PCDHA10: variants seen among roughly 807,000 people sequenced by gnomAD.
The protein encoded by PCDHA10 is protocadherin alpha 10, also known as protocadherin alpha-10.
In PCDHA10, 45 loss-of-function variants were observed where a neutral mutation model predicts 61.2. That is an observed-to-expected ratio of 0.74 (90% CI 0.58 to 0.94). The LOEUF (loss-of-function observed/expected upper bound fraction) is 0.94, where lower values mean the gene tolerates loss of function less well. Among genes scored for constraint, PCDHA10 ranks in the 40% least tolerant of loss-of-function variants. The pLI is 0.00. For synonymous variants in PCDHA10, 602 were observed against 548.8 expected, an observed-to-expected ratio of 1.10 and a Z score of -1.35; for missense variants, 1,278 against 1,236.2, an observed-to-expected ratio of 1.03 and a Z score of -0.51.
At chr5:140,883,757 C>A (rs369534214) in intron 1 of PCDHA10, 175 of 1,612,790 alleles carry the variant, frequency 1.1e-4, no homozygotes, top group Non-Finnish European at 1.5e-4. Flanking sequence ...GCTGGTGGAG[C>A]GGCGGGTGGG....
At chr5:140,960,515 A>G (rs1445432467) in intron 1 of PCDHA10, among the ~76,000 whole-genome samples, 1 of 152,182 alleles carries the variant, frequency 6.6e-6, no homozygotes, top group Non-Finnish European at 1.5e-5. Flanking sequence ...AGCAAACATA[A>G]TGGGTATAGG....
intron 1 of PCDHA10, chr5:140,882,343 G>A: frequency 6.2e-7 from 1 of 1,614,198 alleles, no homozygotes; most frequent in Non-Finnish European, 8.5e-7. Context: ...CAGCCTGGGA[G>A]ACGGGTAGTG....
chr5:140,896,486 C>T (rs2065571972), intron 1 of PCDHA10, among the ~76,000 whole-genome samples: 2 of 151,948 alleles, frequency 1.3e-5, no homozygotes, highest in African/African-American at 4.8e-5. Context: ...CCTCAGCCTC[C>T]TGAGTAGCTG....
At position 140,951,508 on chromosome 5, in the gene PCDHA10, G is replaced by A. The variant is rs536073969; in HGVS notation, c.2389-27441G>A. Among the ~76,000 whole-genome samples the A allele has an allele frequency of 3.9e-5, 6 of 152,080 alleles. No individual in the cohort carries two copies. The South Asian group carries it at 6.2e-4, about 16-fold the overall frequency. On this transcript the variant is annotated intron_variant, in intron 1 of 3. Coordinates refer to ENST00000307360, the MANE Select transcript of PCDHA10 (RefSeq NM_018901.4). ...TCATGGTGGAAGGCAAAAGGAAAGC[G>A]GCTCATCTTACATGGCCGGTGCAGG...
At chr5:140,868,895 G>C in intron 1 of PCDHA10, 2 of 777,188 alleles carry the variant, frequency 2.6e-6, no homozygotes, top group Non-Finnish European at 4.0e-6. Flanking sequence ...TAGGCGCAAG[G>C]TGTCGCTCTT....
At chr5:140,927,524 C>T in intron 1 of PCDHA10, 3 of 1,614,104 alleles carry the variant, frequency 1.9e-6, no homozygotes, top group Non-Finnish European at 2.5e-6. Flanking sequence ...GGCGGGCTAC[C>T]TGCCCGCTCA....
At chr5:141,006,215 TA>T (rs200576602) in intron 3 of PCDHA10, among the ~76,000 whole-genome samples, 4 of 151,640 alleles carry the variant, frequency 2.6e-5, no homozygotes, top group South Asian at 2.1e-4. Flanking sequence ...CATTTTTTTT[TA>T]AATTTTTTAT....
At chr5:140,896,823 T>C (rs1248229696) in intron 1 of PCDHA10, among the ~76,000 whole-genome samples, 1 of 152,230 alleles carries the variant, frequency 6.6e-6, no homozygotes, top group Non-Finnish European at 1.5e-5. Context: ...ACTCTGTTCA[T>C]AGTTGTTTTT....
At chr5:140,951,876 G>A (rs1554220112) in intron 1 of PCDHA10, among the ~76,000 whole-genome samples, 1 of 152,094 alleles carries the variant, frequency 6.6e-6, no homozygotes, top group East Asian at 1.9e-4. Context: ...CTGAGACAAG[G>A]CAACTCTCTT....
At chr5:140,870,178 C>A (rs2051730547) in intron 1 of PCDHA10, 6 of 1,614,096 alleles carry the variant, frequency 3.7e-6, no homozygotes, top group Non-Finnish European at 5.1e-6. Flanking sequence ...CCTCCCAGTA[C>A]GAGAGGACGC....
At chr5:140,873,770 C>T (rs1316613523) in intron 1 of PCDHA10, among the ~76,000 whole-genome samples, 1 of 151,400 alleles carries the variant, frequency 6.6e-6, no homozygotes, top group Non-Finnish European at 1.5e-5. Context: ...AAGCAATTCT[C>T]CTGCCTCAGC....
At chr5:140,870,293 T>C in intron 1 of PCDHA10, 1 of 1,614,182 alleles carries the variant, frequency 6.2e-7, no homozygotes, top group Non-Finnish European at 8.5e-7. Context: ...TTCAAGCTGG[T>C]GTCCACCTTC....
chr5:140,989,758 T>C (rs1554251084), intron 3 of PCDHA10, among the ~76,000 whole-genome samples: 1 of 152,188 alleles, frequency 6.6e-6, no homozygotes, highest in African/African-American at 2.4e-5. Flanking sequence ...GAGAAACATA[T>C]TCAGTTCAAG....
intron 1 of PCDHA10, chr5:140,927,707 T>G (rs1224984801): frequency 6.2e-7 from 1 of 1,614,080 alleles, no homozygotes; most frequent in African/African-American, 1.3e-5. Flanking sequence ...CAGTACTCCC[T>G]AAGCAACAGC....
chr5:140,858,100 C>T lies in PCDHA10; in HGVS notation c.2052C>T (p.Gly684=), dbSNP rs368579908. ...AGGCCTCGTCGCGGGCTTCAGTGGG[C>T]GTGGCGCCCGAGGTGGCCCTGGTGG... The part of the protein sequence containing the change: ...APKASSRASV[G]VAPEVALVDV... Residue 684 remains glycine, a synonymous_variant, in exon 1 of 4, where the codon GGC becomes GGT. Coordinates refer to ENST00000307360, the MANE Select transcript of PCDHA10 (RefSeq NM_018901.4). 202 of 1,597,586 alleles carry T rather than the reference C, an allele frequency of 1.3e-4. 22 individuals are homozygous for T. The highest frequency in any genetic ancestry group is 1.7e-4 in the Non-Finnish European group (196 of 1,167,684).
chr5:140,971,000 T>G (rs1409787417), intron 1 of PCDHA10, among the ~76,000 whole-genome samples: 2 of 152,196 alleles, frequency 1.3e-5, no homozygotes, highest in African/African-American at 4.8e-5. Flanking sequence ...ATCAAAGAGT[T>G]TCCAGAAGTC....
In PCDHA10 at chr5:140,959,634, A is replaced by G. The variant is rs78629455; in HGVS notation, c.2389-19315A>G. ...TGCTTGTGATAGAAAAAAAGAGAGA[A>G]AAAACACAGAAGCAAAATTGAAGAA... On this transcript the variant is annotated intron_variant, in intron 1 of 3. Transcript: ENST00000307360. Among the ~76,000 whole-genome samples, 1,434 of 152,320 alleles carry G rather than the reference A, an allele frequency of 9.4e-3. 14 individuals carry two copies. The highest frequency in any genetic ancestry group is 0.021 in the Admixed American group (316 of 15,292).
intron 1 of PCDHA10, among the ~76,000 whole-genome samples, chr5:140,912,343 ATTT>A (rs35252606): frequency 2.8e-5 from 4 of 143,838 alleles, no homozygotes; most frequent in African/African-American, 5.1e-5. Context: ...TACACTAAGT[ATTT>A]TTTTTTTTTT....
rs782659858 is a variant in PCDHA10, at chr5:140,857,341, G to C, written c.1293G>C (p.Ser431=). 2 of 1,598,438 alleles carry C rather than the reference G, an allele frequency of 1.3e-6. No homozygotes were observed. The highest frequency in any genetic ancestry group is 1.7e-6 in the Non-Finnish European group (2 of 1,167,920). ...TGGTGACCGCGCGGGACGGGGGCTC[G>C]CCTCCGCTGTGGGCCACGGCCAGCG... ...ELVVTARDGG[S]PPLWATASVS... is the part of the protein sequence containing the mutation. The change falls in exon 1 of 4, where the codon TCG becomes TCC. Residue 431 remains serine (S), a synonymous_variant. Transcript: ENST00000307360.
Sources: gnomAD v4.1 joint callset for allele counts (sites outside exome capture counted in the v4.1 genomes callset) on GRCh38, gnomAD v4.1.1 for gene constraint, MANE v1.5 for transcripts, NCBI Gene and HGNC (gene_info 2026-07-23, HGNC 2026-07-21) for gene names.